IQGAP3: variants seen among roughly 807,000 people sequenced by gnomAD.
IQGAP3 encodes the protein IQ motif containing GTPase activating protein 3.
A neutral mutation model predicts 208.2 loss-of-function variants in IQGAP3; 165 were observed. The ratio of observed to expected loss-of-function variants is 0.79; its 90% CI spans 0.70 to 0.90. The LOEUF is 0.90. Among genes scored for constraint, IQGAP3 ranks in the 40% least tolerant of loss-of-function variants. The pLI is 0.00. For missense variants in IQGAP3, 1,811 were observed against 2,043.1 expected, an observed-to-expected ratio of 0.89 and a Z score of 2.19; for synonymous variants, 703 against 803.6, an observed-to-expected ratio of 0.87 and a Z score of 2.12.
chr1:156,562,651 G>C lies in IQGAP3; in HGVS notation c.813C>G (p.Ser271Arg). Residue 271 changes from serine (S) to arginine (R), a missense_variant, in exon 9 of 38, where the codon AGC (serine) becomes AGG (arginine). Physicochemically the swap from Ser to Arg is moderately radical, Grantham distance 110. Transcript: ENST00000361170. ...ANARNHDDRE[S>R]QDIYDHYLTQ... is the part of the protein sequence containing the mutation. ...TTAGGTAGTGGTCATAGATGTCCTG[G>C]CTTTCTCTGTCATCCTGCAAAAACT... The C allele has an allele frequency of 6.2e-7, 1 of 1,613,966 alleles. No individual in the cohort carries two copies. Among genetic ancestry groups the C allele is most frequent in the African/African-American group, 1.3e-5 (1 of 75,044 alleles).
rs771956556 is a variant in IQGAP3 at position 156,534,015 on chromosome 1, C to A, written c.3867G>T (p.Thr1289=). Residue 1289 remains threonine (T), a synonymous_variant, in exon 30 of 38, where the codon ACG becomes ACT. Transcript: ENST00000361170. ...CCAGATCTCAGCCCCTCACCCTGTG[C>A]GTGTTGACCAGCTCCCCCACGGTGA... ...VYITVGELVN[T]HRLLLEHQDC... is the part of the protein sequence containing the mutation. 4 of 1,613,534 alleles carry A rather than the reference C, an allele frequency of 2.5e-6. No homozygotes were observed. The highest frequency in any genetic ancestry group is 1.7e-5 in the Admixed American group (1 of 60,010).
Position 156,525,567 on chromosome 1 carries a change from G to C in IQGAP3, c.*919C>G, listed in dbSNP as rs1674001722. The stretch of plus-strand genomic sequence containing the variant: ...GGATGAGAATCCTGAGGGTAAAAGA[G>C]AAAAGGGAAAGACTCCTCTTTGATC... On this transcript the variant is annotated 3_prime_UTR_variant, in exon 38 of 38. Transcript: ENST00000361170. 2 of 152,412 alleles carry C rather than the reference G, an allele frequency of 1.3e-5. No individual in the cohort carries two copies. Among genetic ancestry groups the C allele is most frequent in the African/African-American group, 2.4e-5 (1 of 41,356 alleles). The allele number at this position is 152,412 out of a possible 1,614,324, so 9.4% of individuals were successfully genotyped here.
chr1:156,526,773 C>T (rs1161015516), intron 37 of IQGAP3, among the ~76,000 whole-genome samples, 174 bp from the exon 38 acceptor site: 1 of 152,152 alleles, frequency 6.6e-6, no homozygotes, highest in Non-Finnish European at 1.5e-5. Flanking sequence ...AAGAGAGGTA[C>T]AGTGACTTGA....
intron 1 of IQGAP3, 113 bp downstream of exon 1, chr1:156,572,380 C>T: frequency 8.5e-7 from 1 of 1,177,106 alleles, no homozygotes; most frequent in South Asian, 1.2e-5. Flanking sequence ...AGTCCCACCG[C>T]CCTCGCCCCT....
intron 16 of IQGAP3, 130 bp downstream of exon 16, chr1:156,550,131 T>G (rs1675475221): frequency 6.1e-6 from 4 of 658,006 alleles, no homozygotes; most frequent in Non-Finnish European, 1.1e-5. Context: ...CTGCTCTGAC[T>G]CTGGCCTGCC....
chr1:156,550,529 G>A (rs975003462), intron 15 of IQGAP3, among the ~76,000 whole-genome samples, 178 bp from the exon 16 acceptor site: 2 of 152,170 alleles, frequency 1.3e-5, no homozygotes, highest in Non-Finnish European at 2.9e-5. Flanking sequence ...TCCCTGGGAC[G>A]CGGCCAGGCT....
chr1:156,528,243 C>T (rs923534922), intron 36 of IQGAP3, among the ~76,000 whole-genome samples, 183 bp from the exon 37 acceptor site: 1 of 152,190 alleles, frequency 6.6e-6, no homozygotes, highest in African/African-American at 2.4e-5. Flanking sequence ...CACACCATCT[C>T]TTTATCTGCC....
rs748765771 is a variant in IQGAP3 at position 156,551,805 on chromosome 1, G to A, written c.1634C>T (p.Ser545Phe). Residue 545 changes from serine (S) to phenylalanine (F), a missense_variant, in exon 15 of 38, where the codon TCT becomes TTT. Coordinates refer to ENST00000361170, the MANE Select transcript of IQGAP3 (RefSeq NM_178229.5). ...GCCAGCTGCAGGAAGCAGTAGGGCA[G>A]ACAGAGTCTTCTCAGGGCTGCCTTT... ...LDKGSPEKTLSALLLPAAGLD... is the reference protein window; with the variant it reads ...LDKGSPEKTLFALLLPAAGLD... The A allele has an allele frequency of 2.2e-5, 35 of 1,613,866 alleles. No homozygotes were observed. The Admixed American group carries it at 5.8e-4, about 27-fold the overall frequency.
intron 27 of IQGAP3, 161 bp downstream of exon 27, chr1:156,537,020 G>A (rs963959713): frequency 2.0e-5 from 14 of 685,506 alleles, no homozygotes; most frequent in Admixed American, 1.0e-4. Flanking sequence ...CAGGAGCTTC[G>A]AGCATTCCCC....
At chr1:156,560,553 T>C (rs1306476625) in intron 11 of IQGAP3, among the ~76,000 whole-genome samples, 1 of 152,180 alleles carries the variant, frequency 6.6e-6, no homozygotes, top group Non-Finnish European at 1.5e-5. Flanking sequence ...CATTTGTATA[T>C]AATGTTTTTA....
intron 37 of IQGAP3, 76 bp downstream of exon 37, chr1:156,527,876 G>A (rs919661668): frequency 1.0e-6 from 1 of 963,134 alleles, no homozygotes; most frequent in Non-Finnish European, 1.7e-6. Flanking sequence ...CTAGGAAAGT[G>A]AGGCCAGCTG....
Position 156,552,021 on chromosome 1 carries a change from T to G in IQGAP3, c.1523A>C (p.Gln508Pro), listed in dbSNP as rs1675576725. 1 of 1,614,180 alleles carries G rather than the reference T, an allele frequency of 6.2e-7. No individual in the cohort carries two copies. Among genetic ancestry groups the G allele is most frequent in the East Asian group, 2.2e-5 (1 of 44,880 alleles). The change falls in exon 14 of 38, where the codon CAG becomes CCG. Residue 508 changes from glutamine (Q) to proline (P), a missense_variant. By Grantham distance (76) the Gln-to-Pro change is moderately conservative. Coordinates refer to ENST00000361170, the MANE Select transcript of IQGAP3 (RefSeq NM_178229.5). ...TGCATTGACCTGGCTCACGGTGGCC[T>G]GCAGGTCATTCCAGCTCAGGAAGTC... Reference protein sequence around the residue: ...GEDFLSWNDLQATVSQVNAQT... With the variant: ...GEDFLSWNDLPATVSQVNAQT...
intron 10 of IQGAP3, 28 bp downstream of exon 10, chr1:156,561,810 G>T: frequency 2.5e-6 from 4 of 1,609,688 alleles, no homozygotes; most frequent in Non-Finnish European, 3.4e-6. Flanking sequence ...CACATACAGG[G>T]GGTGGCAGGT....
chr1:156,544,396 A>G lies in IQGAP3; in HGVS notation c.2381T>C (p.Ile794Thr). The change falls in exon 20 of 38, where the codon ATA (isoleucine) becomes ACA (threonine). Residue 794 changes from isoleucine (I) to threonine (T), a missense_variant. By Grantham distance (89) the Ile-to-Thr change is moderately conservative. Transcript: ENST00000361170. ...CAAAACCACCGTAGCTACCTTGATTATGGCATCCAGGTTTGCTTTAAAATA... is the reference window on the plus strand; with the variant it reads ...CAAAACCACCGTAGCTACCTTGATTGTGGCATCCAGGTTTGCTTTAAAATA... ...LQYFKANLDA[I>T]IKIQAWARMW... 3 of 1,612,294 alleles carry G rather than the reference A, an allele frequency of 1.9e-6. No homozygotes were observed. Among genetic ancestry groups the G allele is most frequent in the Non-Finnish European group, 2.5e-6 (3 of 1,178,334 alleles).
At chr1:156,546,126 G>A (rs776654532) in intron 19 of IQGAP3, among the ~76,000 whole-genome samples, 84 of 152,124 alleles carry the variant, frequency 5.5e-4, no homozygotes, top group Non-Finnish European at 8.5e-4. Context: ...GTTGCTGTGG[G>A]AAAAGGCAGA....
chr1:156,561,131 C>T (rs766363023), intron 10 of IQGAP3, 110 bp from the exon 11 acceptor site: 4 of 713,166 alleles, frequency 5.6e-6, no homozygotes, highest in Non-Finnish European at 9.9e-6. Flanking sequence ...ACCCTCAATC[C>T]TACCTCTCTC....
chr1:156,528,722 T>C, intron 35 of IQGAP3, 112 bp from the exon 36 acceptor site: 1 of 1,068,056 alleles, frequency 9.4e-7, no homozygotes, highest in Non-Finnish European at 1.4e-6. Context: ...TTCTCACTGA[T>C]GGAAGACAGA....
chr1:156,540,968 C>G, intron 22 of IQGAP3, 52 bp from the exon 23 acceptor site: 2 of 1,460,282 alleles, frequency 1.4e-6, no homozygotes. Context: ...TCAGAGGCCT[C>G]CTCACCAGCC....
Position 156,548,755 on chromosome 1 carries a change from G to A in IQGAP3, c.1826-7C>T. The A allele has an allele frequency of 1.3e-6, 2 of 1,561,052 alleles. No individual in the cohort carries two copies. Among genetic ancestry groups the A allele is most frequent in the South Asian group, 2.4e-5 (2 of 82,970 alleles). ...GCAGCCACACCAAGAGCCACTGACA[G>A]GGGCATCAGGAGAGAGCAGTCAATC... is the stretch of plus-strand genomic sequence containing the variant. On this transcript the variant is annotated splice_polypyrimidine_tract_variant and splice_region_variant and intron_variant, in intron 16 of 37. Coordinates refer to ENST00000361170, the MANE Select transcript of IQGAP3 (RefSeq NM_178229.5).
Sources: gnomAD v4.1 joint callset for allele counts (sites outside exome capture counted in the v4.1 genomes callset) on GRCh38, gnomAD v4.1.1 for gene constraint, MANE v1.5 for transcripts, NCBI Gene and HGNC (gene_info 2026-07-23, HGNC 2026-07-21) for gene names.